The following ELMO1 variants were observed in gnomAD, a reference collection of about 807,000 sequenced individuals.
ELMO1 encodes the protein engulfment and cell motility protein 1.
In ELMO1, 26 loss-of-function variants were observed where a neutral mutation model predicts 98.9. The observed-to-expected ratio is 0.26, with a 90% CI of 0.19 to 0.36. The LOEUF is 0.36. ELMO1 is among the 10% of genes least tolerant of loss of function. The pLI, the probability that ELMO1 is intolerant of heterozygous loss-of-function variation, is 1.00. For synonymous variants in ELMO1, 346 were observed against 346.0 expected (o/e 1.00, Z 0.00); for missense variants, 627 against 935.2 (o/e 0.67, Z 4.30).
At chr7:36,873,431 G>A (rs531809363) in intron 19 of ELMO1, among the ~76,000 whole-genome samples, 2 of 152,328 alleles carry the variant, frequency 1.3e-5, no homozygotes, top group South Asian at 4.1e-4. Flanking sequence ...AGGGTCACCA[G>A]TGAAGAACGC....
chr7:37,071,699 A>T (rs569595818), intron 15 of ELMO1, among the ~76,000 whole-genome samples: 10 of 152,332 alleles, frequency 6.6e-5, no homozygotes, highest in African/African-American at 2.4e-4. Flanking sequence ...CTTGAAAAAA[A>T]CAAAACTCAT....
intron 1 of ELMO1, among the ~76,000 whole-genome samples, chr7:37,365,843 C>A (rs192519340): frequency 1.3e-5 from 2 of 152,136 alleles, no homozygotes; most frequent in Non-Finnish European, 2.9e-5. Flanking sequence ...CTTGTACTGT[C>A]GTAGTATCAA....
intron 16 of ELMO1, among the ~76,000 whole-genome samples, chr7:36,971,568 A>G (rs1317325758): frequency 1.3e-5 from 2 of 152,226 alleles, no homozygotes; most frequent in African/African-American, 2.4e-5. Flanking sequence ...TGGGAAGGAA[A>G]GATCATCCAG....
chr7:37,342,578 T>C lies in ELMO1; in HGVS notation c.78+35A>G. The stretch of plus-strand genomic sequence containing the variant: ...GAAAATTCCAGTATAGAAAGGAAAC[T>C]GAAAATAGACACCCAATGCTGTCAC... On this transcript the variant is annotated intron_variant, in intron 2 of 21. Coordinates refer to ENST00000310758, the MANE Select transcript of ELMO1 (RefSeq NM_014800.11). This position sits in a 1 kb window ranked among gnomAD's most constrained non-coding sequence, Gnocchi z 4.3. The C allele has an allele frequency of 1.2e-6, 2 of 1,605,286 alleles. No individual in the cohort carries two copies. Among genetic ancestry groups the C allele is most frequent in the Non-Finnish European group, 1.7e-6 (2 of 1,172,002 alleles).
chr7:36,910,342 G>A (rs1784256025), intron 16 of ELMO1, among the ~76,000 whole-genome samples: 2 of 152,202 alleles, frequency 1.3e-5, no homozygotes, highest in South Asian at 2.1e-4. Context: ...AGGCTCTAGT[G>A]CCATGTGATT....
chr7:36,907,574 T>C (rs184940646), intron 16 of ELMO1, among the ~76,000 whole-genome samples: 13 of 152,260 alleles, frequency 8.5e-5, no homozygotes, highest in Admixed American at 3.9e-4. Context: ...GGTTCTTGTG[T>C]TTCTCCACTC....
chr7:36,859,664 C>T (rs1379666294), intron 21 of ELMO1, among the ~76,000 whole-genome samples: 2 of 152,152 alleles, frequency 1.3e-5, no homozygotes, highest in African/African-American at 4.8e-5. Flanking sequence ...AGCTCTCTTG[C>T]CTCATTTCCC....
intron 2 of ELMO1, among the ~76,000 whole-genome samples, chr7:37,331,807 A>G (rs1156251117): frequency 1.3e-5 from 2 of 152,186 alleles, no homozygotes; most frequent in Non-Finnish European, 2.9e-5. Context: ...AAGACACAAC[A>G]TGGTGTCAGC....
chr7:37,168,080 TCATTC>T (rs1430326771), intron 13 of ELMO1, among the ~76,000 whole-genome samples: 1 of 151,902 alleles, frequency 6.6e-6, no homozygotes, highest in African/African-American at 2.4e-5. Context: ...TCGCTTCATT[TCATTC>T]ATTTCATCTT....
In ELMO1 at chr7:36,872,683, T is replaced by C. The variant is rs552363195; in HGVS notation, c.1823-2208A>G. 2.0e-3 allele frequency among the ~76,000 whole-genome samples: 309 copies of C among 152,316 alleles called. 1 individual carries two copies. Among genetic ancestry groups the C allele is most frequent in the African/African-American group, 6.7e-3 (279 of 41,572 alleles). On this transcript the variant is annotated intron_variant, in intron 19 of 21. Transcript: ENST00000310758. ...GCCTCCTTTCCCTCAGTAGCTGATC[T>C]GGCTGCCTAATCCCTACCGTAGGAA...
rs759369178 is a variant in ELMO1 at position 37,007,562 on chromosome 7, C to T, written c.1437+5737G>A. Reference sequence around the variant, plus strand: ...CCAGCTCAGCTAACCAACAGAGCGCCGTCTGCACCACTATGAAGTTGAACT... The same window carrying T: ...CCAGCTCAGCTAACCAACAGAGCGCTGTCTGCACCACTATGAAGTTGAACT... On this transcript the variant is annotated intron_variant, in intron 16 of 21. Transcript: ENST00000310758. Among the ~76,000 whole-genome samples, 73 of 152,284 alleles carry T rather than the reference C, an allele frequency of 4.8e-4. 3 individuals carry two copies. The highest frequency in any genetic ancestry group is 1.5e-3 in the South Asian group (7 of 4,812).
chr7:37,322,402 G>A (rs189236507), intron 2 of ELMO1, among the ~76,000 whole-genome samples: 1 of 152,144 alleles, frequency 6.6e-6, no homozygotes, highest in African/African-American at 2.4e-5. Flanking sequence ...GATCACCTGA[G>A]GTCAGGAGTT....
intron 4 of ELMO1, among the ~76,000 whole-genome samples, chr7:37,309,882 G>C (rs1475783620): frequency 6.6e-6 from 1 of 152,178 alleles, no homozygotes; most frequent in African/African-American, 2.4e-5. Flanking sequence ...ATCCTTTCTG[G>C]AGACTGGGAT....
intron 1 of ELMO1, among the ~76,000 whole-genome samples, chr7:37,437,086 T>C (rs559475256): frequency 9.2e-5 from 14 of 152,206 alleles, no homozygotes; most frequent in African/African-American, 3.4e-4. Context: ...AATGGACCCA[T>C]TGAACCTCCT....
At chr7:37,370,396 C>T (rs551910417) in intron 1 of ELMO1, among the ~76,000 whole-genome samples, 6 of 152,170 alleles carry the variant, frequency 3.9e-5, no homozygotes, top group African/African-American at 1.2e-4. Context: ...GTATGGCTCC[C>T]GTGTTTAAGT....
chr7:37,401,452 G>A (rs1242317548), intron 1 of ELMO1, among the ~76,000 whole-genome samples: 3 of 152,148 alleles, frequency 2.0e-5, no homozygotes, highest in Non-Finnish European at 4.4e-5. Context: ...AGAGCCTCAG[G>A]AGACAGTGTA....
chr7:37,355,221 C>T (rs74380875), intron 1 of ELMO1, among the ~76,000 whole-genome samples: 6,104 of 152,246 alleles, frequency 0.04, 175 homozygotes, highest in Middle Eastern at 0.061. Context: ...AATTACACAA[C>T]ATGTGACCCT....
intron 16 of ELMO1, among the ~76,000 whole-genome samples, chr7:36,972,947 A>AT (rs1477288252): frequency 6.6e-6 from 1 of 151,954 alleles, no homozygotes; most frequent in African/African-American, 2.4e-5. Flanking sequence ...CACCCAGCTA[A>AT]TTTTTGTATT....
At chr7:36,932,610 T>C (rs930785348) in intron 16 of ELMO1, among the ~76,000 whole-genome samples, 7 of 152,218 alleles carry the variant, frequency 4.6e-5, no homozygotes, top group African/African-American at 1.7e-4. Context: ...GAAGGTTCTA[T>C]GGAGTCTTAT....
Sources: gnomAD v4.1 joint callset for allele counts (sites outside exome capture counted in the v4.1 genomes callset) on GRCh38, gnomAD v4.1.1 for gene constraint, Gnocchi (gnomAD v3.1) non-coding constraint, MANE v1.5 for transcripts, NCBI Gene and HGNC (gene_info 2026-07-23, HGNC 2026-07-21) for gene names.